PDZD2: variants seen among roughly 807,000 people sequenced by gnomAD.
PDZD2 encodes PDZ domain-containing protein 2.
A neutral mutation model predicts 220.7 loss-of-function variants in PDZD2; 90 were observed. That is an observed-to-expected ratio of 0.41 (90% CI 0.34 to 0.49). The LOEUF is 0.49. Among genes scored for constraint, PDZD2 ranks in the 20% least tolerant of loss-of-function variants. The probability of loss-of-function intolerance (pLI) is 0.28; values close to 1 mark genes in which losing one functional copy is unlikely to be tolerated. For synonymous variants in PDZD2, 1,375 were observed against 1,450.5 expected, an observed-to-expected ratio of 0.95 and a Z score of 1.18; for missense variants, 3,174 against 3,608.5, an observed-to-expected ratio of 0.88 and a Z score of 3.08.
chr5:31,735,377 T>C (rs1749798049), intron 1 of PDZD2, among the ~76,000 whole-genome samples: 1 of 152,200 alleles, frequency 6.6e-6, no homozygotes, highest in African/African-American at 2.4e-5. Context: ...CGATGCTTTT[T>C]TAAAATCTGT....
chr5:32,013,823 G>A (rs760920474), intron 6 of PDZD2, among the ~76,000 whole-genome samples: 10 of 152,080 alleles, frequency 6.6e-5, no homozygotes, highest in Non-Finnish European at 1.2e-4. Context: ...AGGCACTCAC[G>A]GAGGAGGTGG....
intron 1 of PDZD2, among the ~76,000 whole-genome samples, chr5:31,732,831 C>T (rs963027981): frequency 3.9e-5 from 6 of 152,136 alleles, no homozygotes; most frequent in Non-Finnish European, 8.8e-5. Flanking sequence ...TAGGTTCAAG[C>T]AATTCTCCTG....
At chr5:31,960,052 G>A (rs543489569) in intron 2 of PDZD2, among the ~76,000 whole-genome samples, 1 of 152,030 alleles carries the variant, frequency 6.6e-6, no homozygotes, top group African/African-American at 2.4e-5. Flanking sequence ...ATCTCCTCTT[G>A]ATCCTTAACT....
chr5:31,898,818 T>TG (rs1184400007), intron 2 of PDZD2, among the ~76,000 whole-genome samples: 2 of 149,660 alleles, frequency 1.3e-5, no homozygotes, highest in Non-Finnish European at 3.0e-5. Context: ...CTTTTTTTTT[T>TG]TTTTTTTTGT....
intron 1 of PDZD2, among the ~76,000 whole-genome samples, chr5:31,689,336 C>CATAT (rs200801339): frequency 1.4e-3 from 76 of 55,174 alleles, no homozygotes; most frequent in Middle Eastern, 0.012. Flanking sequence ...TATACATATA[C>CATAT]ATATATATAT....
chr5:31,655,816 CA>C (rs1327884784), intron 1 of PDZD2, among the ~76,000 whole-genome samples: 1 of 152,268 alleles, frequency 6.6e-6, no homozygotes, highest in African/African-American at 2.4e-5. Context: ...CACTGCCTTC[CA>C]GATCTGAACT....
chr5:31,990,300 C>T (rs1751108242), intron 3 of PDZD2, among the ~76,000 whole-genome samples: 1 of 152,188 alleles, frequency 6.6e-6, no homozygotes, highest in Admixed American at 6.5e-5. Flanking sequence ...CCTTCGTTGG[C>T]TTCAGTGAAG....
intron 6 of PDZD2, among the ~76,000 whole-genome samples, chr5:32,028,684 G>GTTTTTTTT (rs1287949594): frequency 3.1e-5 from 3 of 97,512 alleles, no homozygotes; most frequent in East Asian, 2.9e-4. Context: ...TGTTTTTTTT[G>GTTTTTTTT]TTTTTTTTTT....
chr5:31,785,882 C>T (rs188460301), intron 1 of PDZD2, among the ~76,000 whole-genome samples: 16 of 152,180 alleles, frequency 1.1e-4, no homozygotes, highest in African/African-American at 3.1e-4. Context: ...TGCTATCTCA[C>T]GTCTTCTTAC....
In PDZD2 at chr5:31,759,800, C is replaced by T. The variant is rs146406240; in HGVS notation, c.-360-39089C>T. On this transcript the variant is annotated intron_variant, in intron 1 of 24. Coordinates refer to ENST00000438447, the MANE Select transcript of PDZD2 (RefSeq NM_178140.4). ...CCTCAGGCGATCCTCTCACCTCGGC[C>T]TCCCAAAGCGTTGGGATTACAGGCA... is the stretch of plus-strand genomic sequence containing the variant. Among the ~76,000 whole-genome samples, 797 of 152,260 alleles carry T rather than the reference C, an allele frequency of 5.2e-3. 4 individuals carry two copies. The highest frequency in any genetic ancestry group is 0.018 in the African/African-American group (731 of 41,532).
chr5:31,842,802 T>A (rs570282640), intron 2 of PDZD2, among the ~76,000 whole-genome samples: 2 of 152,362 alleles, frequency 1.3e-5, no homozygotes, highest in African/African-American at 4.8e-5. Context: ...AATACTTTCA[T>A]TACTAGTTAC....
At chr5:31,803,606 T>C in intron 2 of PDZD2, among the ~76,000 whole-genome samples, 1 of 151,824 alleles carries the variant, frequency 6.6e-6, no homozygotes. Context: ...AAGGAGATAA[T>C]TGGGTATGGC....
At chr5:31,688,090 T>C (rs1746946946) in intron 1 of PDZD2, among the ~76,000 whole-genome samples, 1 of 152,194 alleles carries the variant, frequency 6.6e-6, no homozygotes, top group Non-Finnish European at 1.5e-5. Context: ...TTACGTAACA[T>C]ATCCAGTGGG....
At chr5:31,684,207 G>A (rs557292057) in intron 1 of PDZD2, among the ~76,000 whole-genome samples, 4 of 152,180 alleles carry the variant, frequency 2.6e-5, no homozygotes, top group Non-Finnish European at 5.9e-5. Context: ...CTACTTGGGT[G>A]TCTGATAGGT....
intron 1 of PDZD2, among the ~76,000 whole-genome samples, chr5:31,685,448 A>G (rs188261407): frequency 6.6e-6 from 1 of 152,310 alleles, no homozygotes; most frequent in Non-Finnish European, 1.5e-5. Flanking sequence ...ACCTTCTTGT[A>G]TCTATCACAC....
At chr5:31,810,544 C>CG (rs1225377930) in intron 2 of PDZD2, among the ~76,000 whole-genome samples, 1 of 152,218 alleles carries the variant, frequency 6.6e-6, no homozygotes, top group Non-Finnish European at 1.5e-5. Flanking sequence ...GGATTACAGG[C>CG]TTGAGCCACC....
chr5:32,049,564 A>G (rs1231148659), intron 8 of PDZD2, among the ~76,000 whole-genome samples: 1 of 152,210 alleles, frequency 6.6e-6, no homozygotes, highest in East Asian at 1.9e-4. Flanking sequence ...AGATGGAGCA[A>G]CTGAATCTCA....
intron 24 of PDZD2, among the ~76,000 whole-genome samples, chr5:32,105,853 TAGC>T (rs1384337054): frequency 1.3e-5 from 2 of 152,218 alleles, no homozygotes; most frequent in Admixed American, 1.3e-4. Flanking sequence ...AAATCCAAAA[TAGC>T]AGTGGTTTAA....
At chr5:32,014,796 A>G (rs1753641832) in intron 6 of PDZD2, among the ~76,000 whole-genome samples, 1 of 138,328 alleles carries the variant, frequency 7.2e-6, no homozygotes, top group African/African-American at 2.8e-5. Context: ...GCTCACTGCA[A>G]CCTCCACCTC....
Sources: allele counts gnomAD v4.1 joint callset (sites outside exome capture counted in the v4.1 genomes callset), GRCh38; gene constraint gnomAD v4.1.1; transcripts MANE v1.5; gene names NCBI Gene and HGNC (gene_info 2026-07-23, HGNC 2026-07-21).